The following HOMER2 variants were observed in gnomAD, a reference collection of about 807,000 sequenced individuals.
The protein encoded by HOMER2 is homer protein homolog 2.
In HOMER2, 27 loss-of-function variants were observed where a neutral mutation model predicts 47.0. The ratio of observed to expected loss-of-function variants is 0.57; its 90% CI spans 0.42 to 0.79. HOMER2 has a LOEUF of 0.79. HOMER2 is among the 30% of genes least tolerant of loss of function. The pLI is 0.00. For missense variants in HOMER2, 443 were observed against 435.0 expected, an observed-to-expected ratio of 1.02 and a Z score of -0.16; for synonymous variants, 161 against 163.8, an observed-to-expected ratio of 0.98 and a Z score of 0.13.
chr15:82,973,776 C>T (rs1399187119), intron 1 of HOMER2, among the ~76,000 whole-genome samples: 1 of 152,166 alleles, frequency 6.6e-6, no homozygotes, highest in Non-Finnish European at 1.5e-5. Flanking sequence ...CATCTAAAGC[C>T]AATGTCTGGC....
intron 4 of HOMER2, among the ~76,000 whole-genome samples, chr15:82,862,413 A>G (rs1055665639): frequency 2.0e-5 from 3 of 152,252 alleles, no homozygotes; most frequent in African/African-American, 7.2e-5. Flanking sequence ...AGACTACTCG[A>G]GCCCAGGGGC....
Position 82,875,265 on chromosome 15 carries a change from C to G in HOMER2, c.294+8G>C, listed in dbSNP as rs1349905570. The G allele has an allele frequency of 6.2e-7, 1 of 1,612,860 alleles. No homozygotes were observed. Among genetic ancestry groups the G allele is most frequent in the Non-Finnish European group, 8.5e-7 (1 of 1,179,706 alleles). On this transcript the variant is annotated splice_region_variant and intron_variant, in intron 3 of 8. Coordinates refer to ENST00000450735, the MANE Select transcript of HOMER2 (RefSeq NM_004839.4). The stretch of plus-strand genomic sequence containing the variant: ...GGATTTACTGCACTGTGGATAGGAC[C>G]AAGTTACCTTTGTCAGCTGCTGCTC...
chr15:82,844,455 A>G (rs914565458), downstream of HOMER2: 3 of 152,218 alleles, frequency 2.0e-5, no homozygotes, highest in African/African-American at 7.2e-5. Flanking sequence ...ATAGAAATCT[A>G]TTCACAATAT....
At chr15:82,978,049 C>A (rs1038709057) in intron 1 of HOMER2, among the ~76,000 whole-genome samples, 2 of 152,172 alleles carry the variant, frequency 1.3e-5, no homozygotes, top group Non-Finnish European at 2.9e-5. Context: ...ACTCTGGAGG[C>A]TGAGGCAGGA....
chr15:82,937,438 A>C (rs936479968), intron 1 of HOMER2, among the ~76,000 whole-genome samples: 2 of 152,164 alleles, frequency 1.3e-5, no homozygotes, highest in African/African-American at 4.8e-5. Context: ...CATGAGACAC[A>C]CGTTAAGTCA....
At chr15:82,950,250 C>G (rs1311752285) in intron 1 of HOMER2, among the ~76,000 whole-genome samples, 1 of 152,144 alleles carries the variant, frequency 6.6e-6, no homozygotes, top group African/African-American at 2.4e-5. Context: ...AGAACACAAA[C>G]TCACTGGAGA....
chr15:82,842,419 C>G (rs1229124529), exon 2 of HOMER2: 4 of 150,984 alleles, frequency 2.6e-5, no homozygotes, highest in Admixed American at 1.3e-4. Flanking sequence ...CTCAGCCTCC[C>G]AAGTAGCTGA....
At chr15:82,953,300 T>G (rs532002024), upstream of HOMER2, among the ~76,000 whole-genome samples, 4 of 152,222 alleles carry the variant, frequency 2.6e-5, no homozygotes, top group African/African-American at 9.6e-5. Context: ...GGCTCTTTCC[T>G]GGATAAAAAT....
chr15:82,952,968 C>T (rs1456072784), upstream of HOMER2, among the ~76,000 whole-genome samples: 1 of 152,302 alleles, frequency 6.6e-6, no homozygotes, highest in East Asian at 1.9e-4. Flanking sequence ...CGACCCGGGG[C>T]CCTGGCGCAG....
At chr15:82,867,893 T>C (rs1160099044) in intron 3 of HOMER2, among the ~76,000 whole-genome samples, 2 of 152,136 alleles carry the variant, frequency 1.3e-5, no homozygotes, top group East Asian at 3.9e-4. Context: ...CAGTGGGCCC[T>C]AGGAGAATGA....
rs1257439021 is a variant in HOMER2, at chr15:82,922,233, T to C, written c.6-29392A>G. 2.6e-5 allele frequency among the ~76,000 whole-genome samples: 4 copies of C among 152,316 alleles called. No individual in the cohort carries two copies. In the East Asian group the frequency reaches 7.7e-4, roughly 29 times the overall value. On this transcript the variant is annotated intron_variant, in intron 1 of 8. Transcript: ENST00000450735. ...CTGACACAGATCTGCCAGGACACTT[T>C]AAGGAACTGGCAAACATATGTGGGG...
intron 1 of HOMER2, among the ~76,000 whole-genome samples, chr15:82,963,828 G>A (rs923696072): frequency 1.3e-5 from 2 of 152,136 alleles, no homozygotes; most frequent in Admixed American, 6.5e-5. Context: ...CCATGGGCCT[G>A]CTGCTTCTGC....
chr15:82,903,594 G>A (rs1277776264), intron 1 of HOMER2, among the ~76,000 whole-genome samples: 1 of 151,900 alleles, frequency 6.6e-6, no homozygotes, highest in Non-Finnish European at 1.5e-5. Flanking sequence ...ACTCCAGCCT[G>A]GGCAACAAGA....
Position 82,888,756 on chromosome 15 carries a change from C to T in HOMER2, c.162+3929G>A, listed in dbSNP as rs1465477317. Among the ~76,000 whole-genome samples the T allele has an allele frequency of 3.6e-5, 3 of 83,654 alleles. 1 individual carries two copies. Among genetic ancestry groups the T allele is most frequent in the African/African-American group, 1.2e-4 (2 of 17,064 alleles). 54.9% of individuals were successfully genotyped at this position (83,654 alleles called of 152,430 possible). A position where few individuals can be genotyped will look rare whatever the true frequency, so the allele number is the denominator to read the frequency against. ...CAATGCCTCGCCCTGCTTCAGCTCGCGCACGGTGCGCACACACACTGGCCT... is the reference window on the plus strand; with the variant it reads ...CAATGCCTCGCCCTGCTTCAGCTCGTGCACGGTGCGCACACACACTGGCCT... On this transcript the variant is annotated intron_variant, in intron 2 of 8. Transcript: ENST00000450735.
Position 82,942,478 on chromosome 15 carries a change from T to C in HOMER2, c.5+10053A>G, listed in dbSNP as rs539139734. On this transcript the variant is annotated intron_variant, in intron 1 of 8. Transcript: ENST00000450735. ...TACAACATCCTCCAATGCCCATCCA[T>C]TGGGCAGTGTTTACGTGATGTCCAA... 1.8e-3 allele frequency among the ~76,000 whole-genome samples: 267 copies of C among 152,318 alleles called. 1 individual carries two copies. The highest frequency in any genetic ancestry group is 3.4e-3 in the Non-Finnish European group (233 of 68,024).
chr15:82,870,634 A>G (rs1351942428), intron 3 of HOMER2, among the ~76,000 whole-genome samples: 1 of 152,202 alleles, frequency 6.6e-6, no homozygotes, highest in East Asian at 1.9e-4. Context: ...CTTTCTACCT[A>G]AAACATGTCA....
chr15:82,942,785 C>T (rs55754542), intron 1 of HOMER2, among the ~76,000 whole-genome samples: 9,143 of 152,178 alleles, frequency 0.06, 498 homozygotes, highest in African/African-American at 0.15. Flanking sequence ...CTCATTCTCC[C>T]GGCCTTCCCG....
At chr15:82,939,668 TCAA>T (rs1356095183) in intron 1 of HOMER2, among the ~76,000 whole-genome samples, 4 of 152,032 alleles carry the variant, frequency 2.6e-5, no homozygotes, top group Non-Finnish European at 4.4e-5. Flanking sequence ...AGACTCTATC[TCAA>T]CAACAACAAA....
At chr15:82,904,941 C>G (rs2053243944) in intron 1 of HOMER2, among the ~76,000 whole-genome samples, 2 of 152,090 alleles carry the variant, frequency 1.3e-5, no homozygotes, top group African/African-American at 2.4e-5. Flanking sequence ...GTATGAGAAC[C>G]TGCAGTCGTA....
Sources: allele counts gnomAD v4.1 joint callset (sites outside exome capture counted in the v4.1 genomes callset), GRCh38; gene constraint gnomAD v4.1.1; transcripts MANE v1.5; gene names NCBI Gene and HGNC (gene_info 2026-07-23, HGNC 2026-07-21).